Variants in MSRA observed in about 807,000 individuals in gnomAD.
MSRA encodes methionine sulfoxide reductase A, also known as mitochondrial peptide methionine sulfoxide reductase.
Under a neutral mutation model 31.3 loss-of-function variants are expected in MSRA, and 54 were observed. That is an observed-to-expected ratio of 1.73 (90% CI 1.39 to 2.17). The LOEUF (loss-of-function observed/expected upper bound fraction) is 2.17, where lower values mean the gene tolerates loss of function less well. Among genes scored for constraint, MSRA ranks in the 30% most tolerant of loss-of-function variants. The pLI is 0.00. For missense variants in MSRA, 507 were observed against 300.9 expected, an observed-to-expected ratio of 1.69 and a Z score of -5.07; for synonymous variants, 169 against 116.5, an observed-to-expected ratio of 1.45 and a Z score of -2.90.
chr8:10,252,612 C>T (rs1267423880), intron 3 of MSRA, among the ~76,000 whole-genome samples: 1 of 152,168 alleles, frequency 6.6e-6, no homozygotes, highest in African/African-American at 2.4e-5. Context: ...CCTCACCTCC[C>T]TCCCTTTCAA....
chr8:10,421,837 C>T (rs963312419), intron 5 of MSRA, among the ~76,000 whole-genome samples: 1 of 152,116 alleles, frequency 6.6e-6, no homozygotes, highest in Non-Finnish European at 1.5e-5. Context: ...CGCCTTCCTG[C>T]CCCAGAGATC....
Position 10,283,255 on chromosome 8 carries a change from A to G in MSRA, c.332-18279A>G, listed in dbSNP as rs573868893. ...GCATTCAGACGTTCTCTTAGATTTC[A>G]GTATCACACGGTGGATCCTGCATTT... On this transcript the variant is annotated intron_variant, in intron 3 of 5. Transcript: ENST00000317173. 1.1e-4 allele frequency among the ~76,000 whole-genome samples: 17 copies of G among 152,108 alleles called. No homozygotes were observed. The East Asian group carries it at 2.5e-3, about 22-fold the overall frequency.
chr8:10,375,438 G>T (rs541962095), intron 5 of MSRA, among the ~76,000 whole-genome samples: 3 of 152,322 alleles, frequency 2.0e-5, no homozygotes, highest in South Asian at 4.1e-4. Context: ...ATATGCTTAC[G>T]CTTCTATCTT....
intron 5 of MSRA, among the ~76,000 whole-genome samples, chr8:10,424,360 A>T (rs1328250426): frequency 6.7e-6 from 1 of 149,102 alleles, no homozygotes; most frequent in Admixed American, 6.7e-5. Context: ...GTGGAGCGGG[A>T]ATGGGGAGAA....
At chr8:10,352,842 G>A (rs1454771705) in intron 5 of MSRA, among the ~76,000 whole-genome samples, 1 of 152,108 alleles carries the variant, frequency 6.6e-6, no homozygotes, top group Non-Finnish European at 1.5e-5. Context: ...ACAACCGGGG[G>A]AGAAAGAGGC....
At chr8:10,363,004 T>G (rs1804942045) in intron 5 of MSRA, among the ~76,000 whole-genome samples, 4 of 152,328 alleles carry the variant, frequency 2.6e-5, no homozygotes, top group South Asian at 4.1e-4. Flanking sequence ...TCATTTGGTG[T>G]TAAGAACACT....
intron 2 of MSRA, among the ~76,000 whole-genome samples, chr8:10,229,876 T>G (rs1383605960): frequency 6.6e-6 from 1 of 152,194 alleles, no homozygotes; most frequent in Admixed American, 6.5e-5. Flanking sequence ...TTTTTCTTTC[T>G]GTGTTTGACT....
chr8:10,123,614 A>G (rs1419862716), intron 1 of MSRA, among the ~76,000 whole-genome samples: 1 of 152,080 alleles, frequency 6.6e-6, no homozygotes, highest in Non-Finnish European at 1.5e-5. Flanking sequence ...TCAGGGCAGT[A>G]TAGGTTGTCT....
At chr8:10,165,914 T>G (rs1215291865) in intron 1 of MSRA, among the ~76,000 whole-genome samples, 1 of 152,102 alleles carries the variant, frequency 6.6e-6, no homozygotes, top group Non-Finnish European at 1.5e-5. Flanking sequence ...GAGGAGGAAA[T>G]CGAGGCACAG....
At chr8:10,418,815 T>TAAAAAAAA (rs71203323) in intron 5 of MSRA, among the ~76,000 whole-genome samples, 8 of 65,898 alleles carry the variant, frequency 1.2e-4, no homozygotes, top group Admixed American at 5.8e-4. Context: ...TTACTACGAC[T>TAAAAAAAA]AAAAAAAAAA....
intron 3 of MSRA, among the ~76,000 whole-genome samples, chr8:10,249,679 A>C (rs535072603): frequency 6.6e-6 from 1 of 152,256 alleles, no homozygotes; most frequent in African/African-American, 2.4e-5. Context: ...ACAGGGTAGC[A>C]TCTCTCATGG....
chr8:10,086,135 C>T (rs1798548217), intron 1 of MSRA, among the ~76,000 whole-genome samples: 1 of 152,180 alleles, frequency 6.6e-6, no homozygotes, highest in Non-Finnish European at 1.5e-5. Flanking sequence ...AACTGTTTAT[C>T]ATGTTATATT....
chr8:10,147,365 C>T (rs1789679001), intron 1 of MSRA, among the ~76,000 whole-genome samples: 1 of 152,124 alleles, frequency 6.6e-6, no homozygotes, highest in South Asian at 2.1e-4. Flanking sequence ...CGCAGCAGCT[C>T]AGTCATCAGC....
At chr8:10,309,008 A>G (rs746178805) in intron 4 of MSRA, among the ~76,000 whole-genome samples, 4 of 152,198 alleles carry the variant, frequency 2.6e-5, no homozygotes, top group African/African-American at 7.2e-5. Flanking sequence ...AGCAAGAACT[A>G]TGTGACTGGC....
At chr8:10,130,030 G>A (rs1801785880) in intron 1 of MSRA, among the ~76,000 whole-genome samples, 1 of 152,114 alleles carries the variant, frequency 6.6e-6, no homozygotes, top group African/African-American at 2.4e-5. Context: ...TACATCCCTT[G>A]GAAGTAACTG....
chr8:10,183,759 G>A (rs934155701), intron 1 of MSRA, among the ~76,000 whole-genome samples: 5 of 148,942 alleles, frequency 3.4e-5, no homozygotes, highest in South Asian at 2.1e-4. Flanking sequence ...TGGCATCAGG[G>A]TGACAAGCTG....
intron 5 of MSRA, among the ~76,000 whole-genome samples, chr8:10,387,398 A>T (rs1273593507): frequency 6.6e-6 from 1 of 152,214 alleles, no homozygotes; most frequent in African/African-American, 2.4e-5. Flanking sequence ...AGGCATACCC[A>T]TGTATTAATG....
chr8:10,204,236 G>C (rs558160587), intron 1 of MSRA, among the ~76,000 whole-genome samples: 31 of 152,288 alleles, frequency 2.0e-4, no homozygotes, highest in African/African-American at 7.2e-4. Context: ...GGTTAATTTA[G>C]TATTGAAGAA....
chr8:10,317,861 A>G (rs980238370), intron 4 of MSRA, among the ~76,000 whole-genome samples: 7 of 152,166 alleles, frequency 4.6e-5, no homozygotes, highest in African/African-American at 1.7e-4. Flanking sequence ...AGGGTTCCAG[A>G]AAATACTGTA....
Sources: allele counts gnomAD v4.1 joint callset (sites outside exome capture counted in the v4.1 genomes callset), GRCh38; gene constraint gnomAD v4.1.1; transcripts MANE v1.5; gene names NCBI Gene and HGNC (gene_info 2026-07-23, HGNC 2026-07-21).